XYLT1: variants seen among roughly 807,000 people sequenced by gnomAD.
XYLT1 encodes the protein beta-D-xylosyltransferase 1.
Under a neutral mutation model 91.3 loss-of-function variants are expected in XYLT1, and 36 were observed. That is an observed-to-expected ratio of 0.39 (90% confidence interval 0.30 to 0.52). The LOEUF (loss-of-function observed/expected upper bound fraction) is 0.52, where lower values mean the gene tolerates loss of function less well. Ranked by LOEUF, XYLT1 falls within the 20% of genes least tolerant of loss-of-function variation. The probability of loss-of-function intolerance (pLI) is 0.68; values close to 1 mark genes in which losing one functional copy is unlikely to be tolerated. For missense variants in XYLT1, 1,242 were observed against 1,284.5 expected (o/e 0.97, Z 0.51); for synonymous variants, 588 against 532.0 (o/e 1.11, Z -1.45).
chr16:17,123,443 A>G (rs1248178014), intron 10 of XYLT1, among the ~76,000 whole-genome samples: 1 of 152,208 alleles, frequency 6.6e-6, no homozygotes, highest in Non-Finnish European at 1.5e-5. Flanking sequence ...TGTTGAATTC[A>G]GGAGCAAGTT....
At chr16:17,389,473 G>A (rs1454758901) in intron 1 of XYLT1, among the ~76,000 whole-genome samples, 1 of 152,198 alleles carries the variant, frequency 6.6e-6, no homozygotes, top group African/African-American at 2.4e-5. Flanking sequence ...GTAAGAGGCA[G>A]AAGGTTGAGA....
chr16:17,219,792 G>A (rs1251515064), intron 3 of XYLT1, among the ~76,000 whole-genome samples: 1 of 152,154 alleles, frequency 6.6e-6, no homozygotes, highest in South Asian at 2.1e-4. Context: ...ATTTTGGGAG[G>A]CCGAGGCGGG....
chr16:17,321,292 A>G (rs1326977235), intron 2 of XYLT1, among the ~76,000 whole-genome samples: 1 of 106,844 alleles, frequency 9.4e-6, no homozygotes, highest in Non-Finnish European at 1.9e-5. Context: ...AAACTTTACT[A>G]TTTTTACTGT....
At chr16:17,140,209 G>A (rs1474691669) in intron 7 of XYLT1, among the ~76,000 whole-genome samples, 2 of 152,132 alleles carry the variant, frequency 1.3e-5, no homozygotes, top group Admixed American at 1.3e-4. Flanking sequence ...GATGGGGCTA[G>A]GACTGTTTTA....
chr16:17,452,305 C>CTTTTTTTTTTT (rs35177574), intron 1 of XYLT1, among the ~76,000 whole-genome samples: 12 of 131,676 alleles, frequency 9.1e-5, no homozygotes, highest in Admixed American at 1.5e-4. Flanking sequence ...CAGTTTTTTT[C>CTTTTTTTTTTT]TTTTTTTTTT....
chr16:17,328,565 A>G (rs1461439216), intron 2 of XYLT1, among the ~76,000 whole-genome samples: 7 of 109,364 alleles, frequency 6.4e-5, no homozygotes, highest in Admixed American at 4.2e-4. Context: ...AAAAAAAAAA[A>G]AAAAAAAAAA....
chr16:17,324,997 TTATTTA>T (rs774660566), intron 2 of XYLT1, among the ~76,000 whole-genome samples: 2 of 151,766 alleles, frequency 1.3e-5, no homozygotes, highest in Non-Finnish European at 2.9e-5. Flanking sequence ...TGGATGTTAT[TTATTTA>T]TAAGTATCTA....
At chr16:17,275,003 C>G (rs528907441) in intron 2 of XYLT1, among the ~76,000 whole-genome samples, 1 of 152,022 alleles carries the variant, frequency 6.6e-6, no homozygotes, top group Non-Finnish European at 1.5e-5. Flanking sequence ...ATGGTGAAAC[C>G]CTGTCTCTAC....
chr16:17,468,352 G>A (rs1245640943), intron 1 of XYLT1, among the ~76,000 whole-genome samples: 1 of 151,668 alleles, frequency 6.6e-6, no homozygotes, highest in African/African-American at 2.4e-5. Flanking sequence ...CCACCAAGAA[G>A]AGAAGAGAAC....
At chr16:17,467,179 G>A (rs1219745545) in intron 1 of XYLT1, among the ~76,000 whole-genome samples, 52 of 152,010 alleles carry the variant, frequency 3.4e-4, no homozygotes, top group Admixed American at 3.4e-3. Flanking sequence ...GGGTGGGAAG[G>A]GTAATAAAAA....
intron 1 of XYLT1, among the ~76,000 whole-genome samples, chr16:17,375,317 A>G (rs147986092): frequency 1.3e-4 from 20 of 152,256 alleles, no homozygotes; most frequent in African/African-American, 4.3e-4. Context: ...ATTCAAAGCT[A>G]AGATTAGCTA....
intron 1 of XYLT1, among the ~76,000 whole-genome samples, chr16:17,376,637 A>C (rs1208414134): frequency 6.6e-6 from 1 of 152,000 alleles, no homozygotes; most frequent in Non-Finnish European, 1.5e-5. Context: ...GACCGGCCTG[A>C]CCAAGATGGT....
At chr16:17,130,751 G>A (rs2030438358) in intron 9 of XYLT1, among the ~76,000 whole-genome samples, 1 of 152,016 alleles carries the variant, frequency 6.6e-6, no homozygotes, top group Non-Finnish European at 1.5e-5. Context: ...TCTTACTTTT[G>A]CCCACTATAA....
At chr16:17,266,408 A>G (rs2033805533) in intron 2 of XYLT1, among the ~76,000 whole-genome samples, 1 of 152,152 alleles carries the variant, frequency 6.6e-6, no homozygotes, top group Non-Finnish European at 1.5e-5. Flanking sequence ...GTACTAACTC[A>G]TTTAATCTCC....
At chr16:17,126,766 G>A (rs998782348) in intron 10 of XYLT1, among the ~76,000 whole-genome samples, 2 of 152,162 alleles carry the variant, frequency 1.3e-5, no homozygotes, top group East Asian at 1.9e-4. Flanking sequence ...TGAATAACAC[G>A]CACCAGGCTT....
chr16:17,396,021 T>C (rs1018852254), intron 1 of XYLT1, among the ~76,000 whole-genome samples: 1 of 152,188 alleles, frequency 6.6e-6, no homozygotes, highest in Non-Finnish European at 1.5e-5. Context: ...TGTTTAAAAG[T>C]AGCCCTGTGC....
chr16:17,159,727 A>G (rs2031501446), intron 5 of XYLT1, among the ~76,000 whole-genome samples: 1 of 152,268 alleles, frequency 6.6e-6, no homozygotes, highest in South Asian at 2.1e-4. Flanking sequence ...AACGAGTGAC[A>G]TCGTTGCCAG....
Position 17,117,927 on chromosome 16 carries a change from A to C in XYLT1, c.2276T>G (p.Leu759Arg). ...CACCGGCTCATCCATGGGCCCCAGA[A>C]GACCCCCAAAGTTGCGGAATAGCCT... ...KERLFRNFGG[L>R]LGPMDEPVGM... Residue 759 changes from leucine to arginine, a missense_variant, in exon 11 of 12, where the codon CTT becomes CGT. Coordinates refer to ENST00000261381, the MANE Select transcript of XYLT1 (RefSeq NM_022166.4). 6.2e-7 allele frequency: 1 copy of C among 1,614,050 alleles called. No homozygotes were observed. Among genetic ancestry groups the C allele is most frequent in the Non-Finnish European group, 8.5e-7 (1 of 1,179,950 alleles).
chr16:17,378,095 C>T (rs536968005), intron 1 of XYLT1, among the ~76,000 whole-genome samples: 1 of 151,406 alleles, frequency 6.6e-6, no homozygotes, highest in African/African-American at 2.4e-5. Flanking sequence ...CTCCACTAGG[C>T]ATGGGGCAGA....
Sources: allele counts gnomAD v4.1 joint callset (sites outside exome capture counted in the v4.1 genomes callset), GRCh38; gene constraint gnomAD v4.1.1; transcripts MANE v1.5; gene names NCBI Gene and HGNC (gene_info 2026-07-23, HGNC 2026-07-21).